CLEC12A: variants seen among roughly 807,000 people sequenced by gnomAD.
CLEC12A encodes the protein C-type lectin protein CLL-1.
Under a neutral mutation model 26.5 loss-of-function variants are expected in CLEC12A, and 22 were observed. That is an observed-to-expected ratio of 0.83 (90% CI 0.59 to 1.19). The LOEUF is 1.19. CLEC12A is among the 50% of genes most tolerant of loss of function. The pLI is 0.00. For missense variants in CLEC12A, 353 were observed against 315.6 expected (o/e 1.12, Z -0.90); for synonymous variants, 119 against 101.9 (o/e 1.17, Z -1.01).
chr12:9,960,691 A>G, intron 1 of CLEC12A, among the ~76,000 whole-genome samples: 1 of 152,198 alleles, frequency 6.6e-6, no homozygotes. Context: ...TAATATTTAC[A>G]GTTGTTTTTG....
rs557355959 is a variant in CLEC12A, at chr12:9,983,645, G to A, written c.642-1225G>A. The stretch of plus-strand genomic sequence containing the variant: ...AGCAGGAGACAGCTCTGAGTCAACT[G>A]TGTTGAGGTGCCACCACAGCGAGTT... On this transcript the variant is annotated intron_variant, in intron 5 of 5. Transcript: ENST00000304361. 84 of 599,224 alleles carry A rather than the reference G, an allele frequency of 1.4e-4. No individual in the cohort carries two copies. The African/African-American group carries it at 1.5e-3, about 11-fold the overall frequency. 37.1% of individuals were successfully genotyped at this position (599,224 alleles called of 1,614,324 possible). A position where few individuals can be genotyped will look rare whatever the true frequency, so the allele number is the denominator to read the frequency against.
chr12:9,973,760 C>G (rs1864225367), intron 1 of CLEC12A, among the ~76,000 whole-genome samples: 1 of 152,048 alleles, frequency 6.6e-6, no homozygotes, highest in Admixed American at 6.6e-5. Flanking sequence ...TCATTTTGCT[C>G]TGAATTTCAG....
At chr12:9,960,818 A>G (rs968887603) in intron 1 of CLEC12A, among the ~76,000 whole-genome samples, 1 of 152,248 alleles carries the variant, frequency 6.6e-6, no homozygotes, top group Non-Finnish European at 1.5e-5. Context: ...ACTGAAACTC[A>G]TCAGAGCACC....
At position 9,983,429 on chromosome 12, in the gene CLEC12A, C is replaced by T. The variant is rs140400886; in HGVS notation, c.641+1300C>T. 7.9e-4 allele frequency: 513 copies of T among 651,714 alleles called. 5 individuals carry two copies. The highest frequency in any genetic ancestry group is 6.9e-3 in the African/African-American group (379 of 54,890). The allele number at this position is 651,714 out of a possible 1,614,324, so 40.4% of individuals were successfully genotyped here. A position where few individuals can be genotyped will look rare whatever the true frequency, so the allele number is the denominator to read the frequency against. ...ATATACTATTTTAAGTGGATTTATACGTTGTATTTGTTCTGCTTATAATGG... is the reference window on the plus strand; with the variant it reads ...ATATACTATTTTAAGTGGATTTATATGTTGTATTTGTTCTGCTTATAATGG... On this transcript the variant is annotated intron_variant, in intron 5 of 5. Transcript: ENST00000304361.
At chr12:9,955,149 C>T (rs473289) in intron 1 of CLEC12A, among the ~76,000 whole-genome samples, 45 of 152,246 alleles carry the variant, frequency 3.0e-4, no homozygotes, top group African/African-American at 9.9e-4. Context: ...TGCAGTGGCC[C>T]GATCTCGGCT....
At chr12:9,973,487 A>C (rs1439371204) in intron 1 of CLEC12A, among the ~76,000 whole-genome samples, 1 of 152,020 alleles carries the variant, frequency 6.6e-6, no homozygotes, top group Non-Finnish European at 1.5e-5. Flanking sequence ...CAAAAACCCC[A>C]AAAACAAACA....
At chr12:9,995,215 C>T (rs371171367) in exon 5 of CLEC12A, 12 of 1,612,838 alleles carry the variant, frequency 7.4e-6, no homozygotes, top group East Asian at 2.2e-5. Context: ...TCCGACCCAA[C>T]GAATTAAATG....
intron 1 of CLEC12A, among the ~76,000 whole-genome samples, chr12:9,956,463 C>A (rs1863742280): frequency 6.6e-6 from 1 of 152,124 alleles, no homozygotes; most frequent in African/African-American, 2.4e-5. Context: ...AGATGAGAAA[C>A]ATGAATGTTC....
At chr12:9,995,867 A>G (rs1395054205), downstream of CLEC12A, among the ~76,000 whole-genome samples, 2 of 152,190 alleles carry the variant, frequency 1.3e-5, no homozygotes, top group Non-Finnish European at 2.9e-5. Context: ...TGCTTTAACT[A>G]GAATATACTC....
intron 4 of CLEC12A, chr12:9,993,129 T>C (rs1364537086): frequency 6.2e-7 from 1 of 1,605,142 alleles, no homozygotes; most frequent in Admixed American, 1.7e-5. Context: ...TGTTATCCTG[T>C]CCACCTCTTT....
intron 1 of CLEC12A, among the ~76,000 whole-genome samples, chr12:9,962,919 G>A (rs1037488568): frequency 6.6e-6 from 1 of 152,156 alleles, no homozygotes; most frequent in African/African-American, 2.4e-5. Context: ...AATTTTGGGG[G>A]CTTGGTATGG....
At chr12:9,984,685 T>C (rs907118406) in intron 5 of CLEC12A, among the ~76,000 whole-genome samples, 185 bp from the exon 6 acceptor site, 32 of 152,188 alleles carry the variant, frequency 2.1e-4, no homozygotes, top group African/African-American at 7.2e-4. Context: ...GTATTTGACA[T>C]TGCATATGTG....
chr12:9,962,915 G>A (rs1340707455), intron 1 of CLEC12A, among the ~76,000 whole-genome samples: 2 of 152,132 alleles, frequency 1.3e-5, no homozygotes, highest in Non-Finnish European at 2.9e-5. Context: ...CAAAAATTTT[G>A]GGGGCTTGGT....
Position 9,979,459 on chromosome 12 carries a change from A to G in CLEC12A, c.314A>G (p.Asn105Ser), listed in dbSNP as rs1318561219. Residue 105 changes from asparagine (N) to serine (S), a missense_variant, in exon 3 of 6, where the codon AAC becomes AGC. Transcript: ENST00000304361. Reference protein sequence around the residue: ...SNMNISNKIRNLSTTLQTIAT... With the variant: ...SNMNISNKIRSLSTTLQTIAT... Reference sequence around the variant, plus strand: ...ATGAATATCTCCAACAAGATCAGGAACCTCTCCACCACACTGCAAACAATA... The same window carrying G: ...ATGAATATCTCCAACAAGATCAGGAGCCTCTCCACCACACTGCAAACAATA... 3 of 1,613,428 alleles carry G rather than the reference A, an allele frequency of 1.9e-6. No individual in the cohort carries two copies. The highest frequency in any genetic ancestry group is 1.1e-5 in the South Asian group (1 of 91,056).
intron 1 of CLEC12A, among the ~76,000 whole-genome samples, chr12:9,974,954 A>G (rs746636143): frequency 1.3e-5 from 2 of 152,122 alleles, no homozygotes; most frequent in Non-Finnish European, 2.9e-5. Context: ...TGTTCTTGTG[A>G]TAGTGAATAA....
chr12:9,957,490 CAAA>C (rs58810746), intron 1 of CLEC12A, among the ~76,000 whole-genome samples: 2 of 124,974 alleles, frequency 1.6e-5, no homozygotes, highest in Non-Finnish European at 1.7e-5. Context: ...GACTTCATCT[CAAA>C]AAAAAAAAAA....
chr12:10,001,195 G>A, the CLEC12A span, among the ~76,000 whole-genome samples: 2 of 152,120 alleles, frequency 1.3e-5, no homozygotes, highest in Non-Finnish European at 2.9e-5. Flanking sequence ...CTTTGTTGAG[G>A]TTTCCACATT....
At chr12:9,971,021 G>T (rs1017887197), upstream of CLEC12A, among the ~76,000 whole-genome samples, 3 of 152,236 alleles carry the variant, frequency 2.0e-5, no homozygotes, top group Admixed American at 6.5e-5. Flanking sequence ...GACACTAACT[G>T]TCTCATTCTC....
intron 1 of CLEC12A, among the ~76,000 whole-genome samples, chr12:9,956,186 G>A (rs1863739143): frequency 6.6e-6 from 1 of 151,964 alleles, no homozygotes; most frequent in Non-Finnish European, 1.5e-5. Context: ...CTAACCCAGG[G>A]GACTAATCTA....
Sources: allele counts gnomAD v4.1 joint callset (sites outside exome capture counted in the v4.1 genomes callset), GRCh38; gene constraint gnomAD v4.1.1; transcripts MANE v1.5; gene names NCBI Gene and HGNC (gene_info 2026-07-23, HGNC 2026-07-21).